D2HGDH: variants seen among roughly 807,000 people sequenced by gnomAD.
D2HGDH encodes the protein D-2-hydroxyglutarate dehydrogenase, also known as D-2-hydroxyglutarate dehydrogenase, mitochondrial.
A neutral mutation model predicts 46.9 loss-of-function variants in D2HGDH; 31 were observed. The observed-to-expected ratio is 0.66, with a 90% CI of 0.50 to 0.89. The LOEUF is 0.89. D2HGDH is among the 40% of genes least tolerant of loss of function. The pLI, the probability that D2HGDH is intolerant of heterozygous loss-of-function variation, is 0.00. For missense variants in D2HGDH, 698 were observed against 720.8 expected, an observed-to-expected ratio of 0.97 and a Z score of 0.36; for synonymous variants, 364 against 332.6, an observed-to-expected ratio of 1.09 and a Z score of -1.03.
intron 6 of D2HGDH, 21 bp downstream of exon 6, chr2:241,744,898 C>T: frequency 6.2e-7 from 1 of 1,613,544 alleles, no homozygotes; most frequent in South Asian, 1.1e-5. Flanking sequence ...TCGATGTGTG[C>T]CTTGAGATGG....
chr2:241,735,274 C>T lies in D2HGDH; in HGVS notation c.50C>T (p.Ala17Val), dbSNP rs1692444199. 2 of 1,521,476 alleles carry T rather than the reference C, an allele frequency of 1.3e-6. No individual in the cohort carries two copies. Among genetic ancestry groups the T allele is most frequent in the South Asian group, 1.2e-5 (1 of 82,232 alleles). 94.2% of individuals were successfully genotyped at this position (1,521,476 alleles called of 1,614,324 possible). ...LAWPAWLLRGAPGAAGSWGRP... is the reference protein window; with the variant it reads ...LAWPAWLLRGVPGAAGSWGRP... ...TGGCCCGCGTGGCTGTTGCGGGGTG[C>T]TCCGGGAGCCGCGGGTTCTTGGGGT... The change falls in exon 2 of 10, where the codon GCT (alanine) becomes GTT (valine). Residue 17 changes from alanine to valine, a missense_variant. Physicochemically the swap from Ala to Val is moderately conservative, Grantham distance 64. Coordinates refer to ENST00000321264, the MANE Select transcript of D2HGDH (RefSeq NM_152783.5).
Position 241,742,380 on chromosome 2 carries a change from A to T in D2HGDH, c.351-55A>T. On this transcript the variant is annotated intron_variant, in intron 3 of 9. Transcript: ENST00000321264. The surrounding 1 kb of genome is among the most constrained non-coding windows in gnomAD (Gnocchi z 4.8). ...CTGGTCCTGCGGCGTGTCCTTGGGG[A>T]TGGTGGCGTAGGGGTGGGGACAGAG... 6.5e-7 allele frequency: 1 copy of T among 1,548,904 alleles called. No homozygotes were observed. Among genetic ancestry groups the T allele is most frequent in the Non-Finnish European group, 8.7e-7 (1 of 1,143,072 alleles).
In D2HGDH at chr2:241,756,347, CAG is replaced by C. The variant is rs536148083; in HGVS notation, c.1306+334_1306+335del. Reference sequence around the variant, plus strand: ...ACCCCGGAGTCCGGGATGCGGGTCTCAGGGGCTCCTCTCACAGGGCCCGGCCC... The same window carrying C: ...ACCCCGGAGTCCGGGATGCGGGTCTCGGGCTCCTCTCACAGGGCCCGGCCC... On this transcript the variant is annotated intron_variant, in intron 9 of 9. Transcript: ENST00000321264. Among the ~76,000 whole-genome samples, 16 of 152,374 alleles carry C rather than the reference CAG, an allele frequency of 1.1e-4. No individual in the cohort carries two copies. In the South Asian group the frequency reaches 3.3e-3, roughly 32 times the overall value.
At chr2:241,762,122 A>G (rs1248856375) in intron 9 of D2HGDH, among the ~76,000 whole-genome samples, 1 of 127,122 alleles carries the variant, frequency 7.9e-6, no homozygotes, top group Non-Finnish European at 1.6e-5. Context: ...CCCAGGCTGG[A>G]GTGCAGTGGT....
At chr2:241,754,443 A>AGAC (rs1464290732) in intron 8 of D2HGDH, 1 of 151,986 alleles carries the variant, frequency 6.6e-6, no homozygotes, top group African/African-American at 2.4e-5. Context: ...CAGGAGTTTG[A>AGAC]GACGAGCCTG....
At position 241,743,845 on chromosome 2, in the gene D2HGDH, G is replaced by A; in HGVS notation, c.684+30G>A. 6.4e-7 allele frequency: 1 copy of A among 1,566,258 alleles called. No homozygotes were observed. Among genetic ancestry groups the A allele is most frequent in the Non-Finnish European group, 8.7e-7 (1 of 1,155,484 alleles). ...GCTGGGGCAGCTGCTTGGTGCAGAG[G>A]TCGCCACGGGGTGTCCTCTCACGGC... On this transcript the variant is annotated intron_variant, in intron 5 of 9. Coordinates refer to ENST00000321264, the MANE Select transcript of D2HGDH (RefSeq NM_152783.5). The surrounding 1 kb of genome is among the most constrained non-coding windows in gnomAD (Gnocchi z 4.8).
intron 8 of D2HGDH, chr2:241,755,434 C>T (rs1698014277): frequency 1.5e-6 from 2 of 1,309,892 alleles, no homozygotes; most frequent in Non-Finnish European, 2.0e-6. Context: ...AGGGCCTTCC[C>T]TGGCCCTTGC....
intron 2 of D2HGDH, among the ~76,000 whole-genome samples, chr2:241,736,612 C>T (rs1178636401): frequency 1.3e-5 from 2 of 152,076 alleles, no homozygotes; most frequent in Non-Finnish European, 2.9e-5. Flanking sequence ...CCACCCTAAT[C>T]CAGGATGATC....
intron 7 of D2HGDH, among the ~76,000 whole-genome samples, chr2:241,750,542 T>C (rs4675882): frequency 0.55 from 83,770 of 152,214 alleles, 24,904 homozygotes; most frequent in African/African-American, 0.79. Context: ...CCTGATCTTC[T>C]GCAGGAAGGA....
intron 8 of D2HGDH, chr2:241,754,601 GTC>G (rs1697876365): frequency 6.5e-6 from 1 of 153,648 alleles, no homozygotes; most frequent in Non-Finnish European, 1.4e-5. Context: ...ATAAAACAGA[GTC>G]TTTTTTTGTC....
At chr2:241,759,552 T>A (rs563834571) in intron 9 of D2HGDH, among the ~76,000 whole-genome samples, 78 of 152,320 alleles carry the variant, frequency 5.1e-4, no homozygotes, top group Middle Eastern at 6.8e-3. Context: ...GTGATTTAGA[T>A]GTGTTTCTTG....
chr2:241,749,975 C>T (rs1457128814), intron 6 of D2HGDH, 176 bp from the exon 7 acceptor site: 15 of 819,392 alleles, frequency 1.8e-5, no homozygotes, highest in South Asian at 1.6e-4. Flanking sequence ...TAACACCAGG[C>T]GTGCACCTGC....
chr2:241,749,761 G>A (rs535641568), intron 6 of D2HGDH: 14 of 351,448 alleles, frequency 4.0e-5, no homozygotes, highest in South Asian at 8.9e-5. Flanking sequence ...GACACCAGGC[G>A]TGCACCTGTC....
intron 2 of D2HGDH, among the ~76,000 whole-genome samples, chr2:241,738,388 G>T (rs1693517501): frequency 6.6e-6 from 1 of 152,236 alleles, no homozygotes; most frequent in African/African-American, 2.4e-5. Context: ...ATGGGACTTG[G>T]AGCCACTGCC....
intron 6 of D2HGDH, chr2:241,749,887 A>C: frequency 1.9e-6 from 1 of 517,940 alleles, no homozygotes; most frequent in Non-Finnish European, 3.6e-6. Flanking sequence ...TGGTGACACC[A>C]GGCGTGCACC....
In D2HGDH at chr2:241,767,924, C is replaced by A; in HGVS notation, c.1521C>A (p.Pro507=). ...AGCAGCTCAAGGCCCTGCTGGACCC[C>A]AAGGGCATCCTCAACCCCTACAAGA... The part of the protein sequence containing the change: ...LMQQLKALLD[P]KGILNPYKTL... The change falls in exon 10 of 10, where the codon CCC becomes CCA. Residue 507 remains proline, a synonymous_variant. Transcript: ENST00000321264. 1 of 1,600,486 alleles carries A rather than the reference C, an allele frequency of 6.2e-7. No individual in the cohort carries two copies. The highest frequency in any genetic ancestry group is 2.3e-5 in the East Asian group (1 of 44,226).
At chr2:241,754,875 A>G (rs1697910708) in intron 8 of D2HGDH, 1 of 579,214 alleles carries the variant, frequency 1.7e-6, no homozygotes, top group Admixed American at 3.9e-5. Flanking sequence ...AGCTCTGGGA[A>G]TACAGGCGTG....
chr2:241,757,062 G>A (rs534449258), intron 9 of D2HGDH, among the ~76,000 whole-genome samples: 2 of 152,318 alleles, frequency 1.3e-5, no homozygotes, highest in African/African-American at 4.8e-5. Context: ...GGTTGTGTAC[G>A]TGACGACAAT....
In D2HGDH at chr2:241,742,501, C is replaced by T. The variant is rs142143239; in HGVS notation, c.417C>T (p.Ser139=). Residue 139 remains serine, a synonymous_variant, in exon 4 of 10, where the codon AGC becomes AGT. Coordinates refer to ENST00000321264, the MANE Select transcript of D2HGDH (RefSeq NM_152783.5). This position sits in a 1 kb window ranked among gnomAD's most constrained non-coding sequence, Gnocchi z 4.8. ...GCAACACAGGCATGGTGGGTGGCAG[C>T]GTCCCCGTCTTTGACGAGATCATCC... ...QGGNTGMVGG[S]VPVFDEIILS... The T allele has an allele frequency of 1.7e-5, 27 of 1,613,928 alleles. No individual in the cohort carries two copies. The highest frequency in any genetic ancestry group is 4.4e-5 in the South Asian group (4 of 91,076).
Sources: gnomAD v4.1 joint callset for allele counts (sites outside exome capture counted in the v4.1 genomes callset) on GRCh38, gnomAD v4.1.1 for gene constraint, Gnocchi (gnomAD v3.1) non-coding constraint, MANE v1.5 for transcripts, NCBI Gene and HGNC (gene_info 2026-07-23, HGNC 2026-07-21) for gene names.